Variants in LRRIQ1 observed in about 807,000 individuals in gnomAD.
LRRIQ1 encodes the protein leucine-rich repeat- and IQ domain-containing protein 1.
In LRRIQ1, 210 loss-of-function variants were observed where a neutral mutation model predicts 211.9. The observed-to-expected ratio is 0.99, with a 90% CI of 0.89 to 1.11. The LOEUF (loss-of-function observed/expected upper bound fraction) is 1.11. Ranked by LOEUF, LRRIQ1 falls within the 50% of genes most tolerant of loss-of-function variation. The pLI is 0.00. For missense variants in LRRIQ1, 2,136 were observed against 1,939.5 expected, an observed-to-expected ratio of 1.10 and a Z score of -1.90; for synonymous variants, 699 against 650.1, an observed-to-expected ratio of 1.08 and a Z score of -1.14.
rs1330041026 is a variant in LRRIQ1, at chr12:85,070,847, A to G, written c.2696-2060A>G. 2.6e-5 allele frequency among the ~76,000 whole-genome samples: 4 copies of G among 151,920 alleles called. No individual in the cohort carries two copies. In the East Asian group the frequency reaches 7.7e-4, roughly 29 times the overall value. ...ATATCTTATCCATAAAATAGCTTCA[A>G]AACAACAATGCCACTATTACTATTT... On this transcript the variant is annotated intron_variant, in intron 10 of 26. Coordinates refer to ENST00000393217, the MANE Select transcript of LRRIQ1 (RefSeq NM_001079910.2).
chr12:85,163,069 C>T (rs1890978769), intron 24 of LRRIQ1, among the ~76,000 whole-genome samples: 1 of 152,130 alleles, frequency 6.6e-6, no homozygotes, highest in African/African-American at 2.4e-5. Context: ...TGGAATTATT[C>T]ACTTCACAGA....
At chr12:85,245,935 T>C (rs1895699027), downstream of LRRIQ1, among the ~76,000 whole-genome samples, 1 of 151,058 alleles carries the variant, frequency 6.6e-6, no homozygotes, top group Non-Finnish European at 1.5e-5. Context: ...CAATATTTGA[T>C]TGAAAGTGAA....
intron 24 of LRRIQ1, among the ~76,000 whole-genome samples, chr12:85,227,509 T>G (rs1275953226): frequency 6.6e-6 from 1 of 151,998 alleles, no homozygotes; most frequent in Non-Finnish European, 1.5e-5. Context: ...CGCCCACTTT[T>G]TGATGGGGTT....
rs760191595 is a variant in LRRIQ1, at chr12:85,055,590, C to T, written c.797C>T (p.Thr266Ile). The change falls in exon 8 of 27, where the codon ACA becomes ATA. Residue 266 changes from threonine (T) to isoleucine (I), a missense_variant. By Grantham distance (89) the Thr-to-Ile change is moderately conservative (BLOSUM62 -1). Coordinates refer to ENST00000393217, the MANE Select transcript of LRRIQ1 (RefSeq NM_001079910.2). ...CATTTACAAATGGAAGAAGAAAGAA[C>T]AAGATTTAAAGACCAACAAGAAAAA... ...NLHLQMEEER[T>I]RFKDQQEKEK... The T allele has an allele frequency of 6.4e-7, 1 of 1,555,556 alleles. No homozygotes were observed. The highest frequency in any genetic ancestry group is 8.6e-7 in the Non-Finnish European group (1 of 1,159,390).
intron 24 of LRRIQ1, among the ~76,000 whole-genome samples, chr12:85,195,575 C>T (rs1349061260): frequency 3.3e-5 from 5 of 151,922 alleles, no homozygotes; most frequent in East Asian, 3.9e-4. Flanking sequence ...AGACAAAAAC[C>T]ACATGATTAT....
chr12:85,129,302 G>A (rs999651179), intron 18 of LRRIQ1, among the ~76,000 whole-genome samples: 4 of 152,072 alleles, frequency 2.6e-5, no homozygotes, highest in East Asian at 1.9e-4. Context: ...TTATATCCTG[G>A]TGGAGGATGC....
intron 11 of LRRIQ1, among the ~76,000 whole-genome samples, chr12:85,076,244 G>A (rs1883637077): frequency 6.6e-6 from 1 of 151,504 alleles, no homozygotes; most frequent in Non-Finnish European, 1.5e-5. Flanking sequence ...CAAAACAAAC[G>A]ACTCTCTTGA....
intron 24 of LRRIQ1, among the ~76,000 whole-genome samples, chr12:85,206,377 G>A (rs1200197309): frequency 6.6e-6 from 1 of 152,210 alleles, no homozygotes; most frequent in East Asian, 1.9e-4. Context: ...ACCAGTGACA[G>A]TGAGAGTGCA....
At chr12:85,085,388 G>A (rs1456594448) in intron 11 of LRRIQ1, among the ~76,000 whole-genome samples, 1 of 152,076 alleles carries the variant, frequency 6.6e-6, no homozygotes, top group Non-Finnish European at 1.5e-5. Flanking sequence ...CTGCCACTTG[G>A]GTCTCTCCCT....
chr12:85,124,303 C>T lies in LRRIQ1; in HGVS notation c.3791C>T (p.Pro1264Leu). 1 of 1,614,046 alleles carries T rather than the reference C, an allele frequency of 6.2e-7. No homozygotes were observed. Among genetic ancestry groups the T allele is most frequent in the African/African-American group, 1.3e-5 (1 of 75,018 alleles). The stretch of plus-strand genomic sequence containing the variant: ...GGTGAGCCAGACTCACCAGATATTC[C>T]TGAGAAATGGATGGACTCTGTCTCC... ...REGEPDSPDI[P>L]EKWMDSVSSH... The change falls in exon 17 of 27, where the codon CCT (proline) becomes CTT (leucine). Residue 1264 changes from proline (P) to leucine (L), a missense_variant. Physicochemically the swap from Pro to Leu is moderately conservative, Grantham distance 98. Transcript: ENST00000393217.
intron 8 of LRRIQ1, among the ~76,000 whole-genome samples, chr12:85,061,900 A>G (rs968318131): frequency 6.6e-6 from 1 of 151,816 alleles, no homozygotes; most frequent in African/African-American, 2.4e-5. Context: ...TTGAAACTAG[A>G]AGTCTTATTT....
At chr12:85,109,676 C>A (rs1216945583) in intron 15 of LRRIQ1, among the ~76,000 whole-genome samples, 1 of 152,078 alleles carries the variant, frequency 6.6e-6, no homozygotes, top group African/African-American at 2.4e-5. Context: ...ACCATCCAAG[C>A]CTACTGAATC....
chr12:85,171,450 T>C (rs972003897), intron 24 of LRRIQ1, among the ~76,000 whole-genome samples: 1 of 152,140 alleles, frequency 6.6e-6, no homozygotes, highest in East Asian at 1.9e-4. Flanking sequence ...AACCACATCT[T>C]GGCATATCAT....
intron 24 of LRRIQ1, among the ~76,000 whole-genome samples, chr12:85,196,201 A>T (rs1272456257): frequency 2.0e-5 from 3 of 151,460 alleles, no homozygotes; most frequent in Non-Finnish European, 1.5e-5. Flanking sequence ...GGAAGAACAT[A>T]CCATGCTCAT....
At position 85,047,357 on chromosome 12, in the gene LRRIQ1, C is replaced by G. The variant is rs766173852; in HGVS notation, c.565C>G (p.Leu189Val). The G allele has an allele frequency of 4.5e-5, 72 of 1,607,088 alleles. No homozygotes were observed. Among genetic ancestry groups the G allele is most frequent in the Admixed American group, 6.7e-5 (4 of 59,922 alleles). ...ATTAGAAGATAAAGAGAAACAAACT[C>G]TCAAAGCTCAGAGGGATAGAGAAGA... ...KELEDKEKQT[L>V]KAQRDREEKQ... The change falls in exon 6 of 27, where the codon CTC becomes GTC. Residue 189 changes from leucine to valine, a missense_variant. Leu to Val is a conservative substitution (Grantham distance 32). Transcript: ENST00000393217.
intron 11 of LRRIQ1, among the ~76,000 whole-genome samples, chr12:85,098,000 G>GT (rs1886039048): frequency 6.6e-6 from 1 of 152,072 alleles, no homozygotes; most frequent in Admixed American, 6.6e-5. Flanking sequence ...AAAGTTCAAA[G>GT]GCTCTGGAAT....
At chr12:85,241,855 G>A (rs1280801321) in intron 26 of LRRIQ1, among the ~76,000 whole-genome samples, 7 of 151,230 alleles carry the variant, frequency 4.6e-5, no homozygotes, top group African/African-American at 1.7e-4. Context: ...AAAAAATGTA[G>A]AAGAAGAGGA....
chr12:85,112,232 A>G (rs1399290620), intron 15 of LRRIQ1, among the ~76,000 whole-genome samples: 2 of 151,858 alleles, frequency 1.3e-5, no homozygotes, highest in Admixed American at 6.6e-5. Flanking sequence ...GCTAGACTAC[A>G]TCTTCTTAGA....
chr12:85,180,786 G>A (rs893995868), intron 24 of LRRIQ1, among the ~76,000 whole-genome samples: 1 of 151,838 alleles, frequency 6.6e-6, no homozygotes, highest in Non-Finnish European at 1.5e-5. Context: ...AATGAAATGT[G>A]TTAAAATTTA....
Sources: gnomAD v4.1 joint callset for allele counts (sites outside exome capture counted in the v4.1 genomes callset) on GRCh38, gnomAD v4.1.1 for gene constraint, MANE v1.5 for transcripts, NCBI Gene and HGNC (gene_info 2026-07-23, HGNC 2026-07-21) for gene names.